The following ZMYND11 variants were observed in gnomAD, a reference collection of about 807,000 sequenced individuals.
The protein encoded by ZMYND11 is zinc finger MYND domain-containing protein 11.
ZMYND11 carries 9 observed loss-of-function variants against 84.9 expected under a neutral mutation model. The observed-to-expected ratio is 0.11, with a 90% CI of 0.06 to 0.18. The LOEUF (loss-of-function observed/expected upper bound fraction) is 0.18, where lower values mean the gene tolerates loss of function less well. Ranked by LOEUF, ZMYND11 falls within the 10% of genes least tolerant of loss-of-function variation. The pLI is 1.00. For synonymous variants in ZMYND11, 250 were observed against 244.1 expected, an observed-to-expected ratio of 1.02 and a Z score of -0.23; for missense variants, 409 against 761.0, an observed-to-expected ratio of 0.54 and a Z score of 5.44.
chr10:177,313 C>G (rs547107489), intron 1 of ZMYND11, among the ~76,000 whole-genome samples: 2 of 152,202 alleles, frequency 1.3e-5, no homozygotes, highest in South Asian at 4.2e-4. Flanking sequence ...TTGGATTTGT[C>G]TTTCCCTGGC....
rs1953694370 is a variant in ZMYND11 at position 252,412 on chromosome 10, A to G, written c.1751A>G (p.Lys584Arg). The G allele has an allele frequency of 6.2e-7, 1 of 1,613,984 alleles. No individual in the cohort carries two copies. The highest frequency in any genetic ancestry group is 8.5e-7 in the Non-Finnish European group (1 of 1,180,020). Reference protein sequence around the residue: ...CCWNTSYCSIKCQQEHWHAEH... With the variant: ...CCWNTSYCSIRCQQEHWHAEH... ...TGGAACACATCCTACTGCTCCATCA[A>G]GTGCCAGCAGGAGCACTGGCACGCG... Residue 584 changes from lysine to arginine, a missense_variant, in exon 15 of 15, where the codon AAG becomes AGG. Around this residue, in one of 7 missense-constraint regions of ZMYND11, gnomAD observed 16 missense variants for 57.7 expected, o/e 0.28. Transcript: ENST00000381604. The surrounding 1 kb of genome is among the most constrained non-coding windows in gnomAD (Gnocchi z 4.6).
rs556577288 is a variant in ZMYND11 at position 201,015 on chromosome 10, C to T, written c.117-8874C>T. Reference sequence around the variant, plus strand: ...CTAGTCAGGTATTTTGCATCTCCTCCTGTTATACTTCCATAGCTTTTATAC... The same window carrying T: ...CTAGTCAGGTATTTTGCATCTCCTCTTGTTATACTTCCATAGCTTTTATAC... On this transcript the variant is annotated intron_variant, in intron 2 of 14. Coordinates refer to ENST00000381604, the MANE Select transcript of ZMYND11 (RefSeq NM_001370100.5). Among the ~76,000 whole-genome samples, 9 of 152,008 alleles carry T rather than the reference C, an allele frequency of 5.9e-5. No individual in the cohort carries two copies. The South Asian group carries it at 1.9e-3, about 32-fold the overall frequency.
At chr10:132,671 C>A (rs1326651844), upstream of ZMYND11, among the ~76,000 whole-genome samples, 3 of 152,170 alleles carry the variant, frequency 2.0e-5, no homozygotes, top group Non-Finnish European at 4.4e-5. Context: ...TGAGACTAAA[C>A]CCTAACTCAT....
chr10:213,832 GGTGTTACATTTTTATTT>G (rs1246303434), intron 3 of ZMYND11, among the ~76,000 whole-genome samples: 2 of 151,832 alleles, frequency 1.3e-5, no homozygotes, highest in Non-Finnish European at 2.9e-5. Flanking sequence ...AGAGTTTGTT[GGTGTTACATTTTTATTT>G]CACCTCTGCT....
chr10:140,320 CAT>C (rs1437446593), intron 1 of ZMYND11, among the ~76,000 whole-genome samples: 4 of 152,324 alleles, frequency 2.6e-5, no homozygotes, highest in African/African-American at 4.8e-5. Flanking sequence ...GTTTTAAAAA[CAT>C]ATGCAGAAAT....
intron 7 of ZMYND11, chr10:239,820 C>T: frequency 1.8e-6 from 1 of 551,150 alleles, no homozygotes; most frequent in South Asian, 2.6e-5. Context: ...CATTTCCCCA[C>T]TAGTACCACA....
At chr10:184,766 C>T (rs1214178062) in intron 2 of ZMYND11, among the ~76,000 whole-genome samples, 2 of 152,150 alleles carry the variant, frequency 1.3e-5, no homozygotes, top group African/African-American at 2.4e-5. Context: ...AAACTTGTGG[C>T]AGGGCAGAGT....
At chr10:199,130 A>G (rs1942482673) in intron 2 of ZMYND11, among the ~76,000 whole-genome samples, 1 of 152,148 alleles carries the variant, frequency 6.6e-6, no homozygotes, top group Non-Finnish European at 1.5e-5. Flanking sequence ...AGATGCTGCT[A>G]AATGAATTAT....
chr10:164,274 T>C (rs548411809), intron 1 of ZMYND11, among the ~76,000 whole-genome samples: 124 of 152,300 alleles, frequency 8.1e-4, no homozygotes, highest in South Asian at 2.7e-3. Flanking sequence ...GGCTTTTGCA[T>C]GTGCTTCCCC....
At chr10:154,517 G>T (rs1554758115) in intron 1 of ZMYND11, among the ~76,000 whole-genome samples, 1 of 152,146 alleles carries the variant, frequency 6.6e-6, no homozygotes, top group African/African-American at 2.4e-5. Context: ...GCCCCAGCTG[G>T]GAGTGTGCAT....
intron 4 of ZMYND11, among the ~76,000 whole-genome samples, chr10:229,674 G>A (rs960147215): frequency 2.0e-5 from 3 of 152,232 alleles, no homozygotes; most frequent in African/African-American, 4.8e-5. Context: ...TGAAAAAACC[G>A]AACAGGAGTG....
intron 6 of ZMYND11, 140 bp from the exon 7 acceptor site, chr10:239,298 C>A (rs1323370583): frequency 4.6e-6 from 3 of 654,712 alleles, no homozygotes; most frequent in Non-Finnish European, 7.9e-6. Flanking sequence ...TTCTTTTACA[C>A]ACATTCTCTG....
chr10:163,900 AC>A (rs1843443902), intron 1 of ZMYND11, among the ~76,000 whole-genome samples: 1 of 152,074 alleles, frequency 6.6e-6, no homozygotes, highest in African/African-American at 2.4e-5. Context: ...TTCTTTAGAT[AC>A]CTTCACATGT....
chr10:146,605 G>C (rs931865066), intron 1 of ZMYND11, among the ~76,000 whole-genome samples: 14 of 152,094 alleles, frequency 9.2e-5, no homozygotes, highest in African/African-American at 3.4e-4. Flanking sequence ...TATACTCCTA[G>C]GGTTTTGTTG....
chr10:254,046 C>T lies in ZMYND11; in HGVS notation c.*1576C>T, dbSNP rs1304339481. 6.6e-6 allele frequency: 1 copy of T among 152,348 alleles called. No homozygotes were observed. Among genetic ancestry groups the T allele is most frequent in the African/African-American group, 2.4e-5 (1 of 41,426 alleles). 9.4% of individuals were successfully genotyped at this position (152,348 alleles called of 1,614,324 possible). On this transcript the variant is annotated 3_prime_UTR_variant, in exon 15 of 15. Transcript: ENST00000381604. ...TTTCATACAATGTACCTAAATTATG[C>T]AGTAACTTGGCATCATCGTTCCCTC...
chr10:165,141 G>A (rs1843698435), intron 1 of ZMYND11, among the ~76,000 whole-genome samples: 1 of 152,002 alleles, frequency 6.6e-6, no homozygotes, highest in African/African-American at 2.4e-5. Context: ...ACCCACTCCA[G>A]TCCAGTTGGG....
intron 1 of ZMYND11, among the ~76,000 whole-genome samples, chr10:146,812 C>T (rs1188596232): frequency 5.3e-5 from 8 of 152,214 alleles, no homozygotes; most frequent in Non-Finnish European, 1.2e-4. Flanking sequence ...CTGTTCTCAT[C>T]ATAGTGAATA....
intron 14 of ZMYND11, among the ~76,000 whole-genome samples, chr10:250,715 C>A: frequency 6.6e-6 from 1 of 152,046 alleles, no homozygotes; most frequent in East Asian, 1.9e-4. Context: ...GCTTTTTGTG[C>A]TCATCACATT....
intron 1 of ZMYND11, among the ~76,000 whole-genome samples, chr10:157,531 A>G (rs10903451): frequency 0.37 from 55,822 of 152,016 alleles, 10,625 homozygotes; most frequent in East Asian, 0.57. Context: ...AAAAATTAAC[A>G]GTAATGACAA....
Sources: allele counts gnomAD v4.1 joint callset (sites outside exome capture counted in the v4.1 genomes callset), GRCh38; gene constraint gnomAD v4.1.1; regional missense constraint gnomAD v4.1.1; non-coding constraint Gnocchi (gnomAD v3.1); transcripts MANE v1.5; gene names NCBI Gene and HGNC (gene_info 2026-07-23, HGNC 2026-07-21).